TENT4B: variants seen among roughly 807,000 people sequenced by gnomAD.
The protein encoded by TENT4B is PAP associated domain containing 5.
TENT4B carries 10 observed loss-of-function variants against 75.0 expected under a neutral mutation model. The ratio of observed to expected loss-of-function variants is 0.13; its 90% confidence interval spans 0.08 to 0.23. The LOEUF (loss-of-function observed/expected upper bound fraction) is 0.23, where lower values mean the gene tolerates loss of function less well. Among genes scored for constraint, TENT4B ranks in the 10% least tolerant of loss-of-function variants. The pLI is 1.00. For synonymous variants in TENT4B, 350 were observed against 357.7 expected (o/e 0.98, Z 0.24); for missense variants, 579 against 893.8 (o/e 0.65, Z 4.49).
intron 1 of TENT4B, among the ~76,000 whole-genome samples, chr16:50,204,693 T>C (rs562268183): frequency 1.3e-5 from 2 of 152,270 alleles, no homozygotes; most frequent in African/African-American, 4.8e-5. Context: ...CAGTACAAAA[T>C]CATGCAAATT....
At chr16:50,164,791 C>T (rs144145085) in intron 1 of TENT4B, among the ~76,000 whole-genome samples, 96 of 152,048 alleles carry the variant, frequency 6.3e-4, no homozygotes, top group Non-Finnish European at 9.6e-4. Flanking sequence ...GGATTAACTG[C>T]CTGTAACCTT....
intron 1 of TENT4B, among the ~76,000 whole-genome samples, chr16:50,185,939 G>A (rs2038517789): frequency 6.6e-6 from 1 of 151,966 alleles, no homozygotes; most frequent in Non-Finnish European, 1.5e-5. Flanking sequence ...TACATAAATG[G>A]TGTAATTTTT....
chr16:50,153,602 G>T lies in TENT4B; in HGVS notation c.-20G>T. 1.0e-6 allele frequency: 1 copy of T among 1,001,576 alleles called. No homozygotes were observed. The highest frequency in any genetic ancestry group is 1.2e-6 in the Non-Finnish European group (1 of 843,000). 62.0% of individuals were successfully genotyped at this position (1,001,576 alleles called of 1,614,324 possible). A position where few individuals can be genotyped will look rare whatever the true frequency, so the allele number is the denominator to read the frequency against. ...CTGCGGGCGGCCGGGAGGGGCGGGG[G>T]CAGCGGCCGCCGCCGTTTGATGGAT... is the stretch of plus-strand genomic sequence containing the variant. On this transcript the variant is annotated 5_prime_UTR_variant, in exon 1 of 12. Coordinates refer to ENST00000561678, the MANE Select transcript of TENT4B (RefSeq NM_001365324.3).
At chr16:50,211,178 C>A (rs1404150356) in intron 1 of TENT4B, 145 bp from the exon 2 acceptor site, 2 of 861,104 alleles carry the variant, frequency 2.3e-6, no homozygotes, top group Non-Finnish European at 3.3e-6. Context: ...TGTACATTCC[C>A]ATTTTAGCTT....
intron 1 of TENT4B, among the ~76,000 whole-genome samples, chr16:50,176,281 C>A (rs374495755): frequency 3.3e-5 from 5 of 151,680 alleles, no homozygotes; most frequent in African/African-American, 1.2e-4. Flanking sequence ...GAGATTGAAT[C>A]TTTCTTTTTC....
intron 1 of TENT4B, among the ~76,000 whole-genome samples, chr16:50,176,494 CTTTTTTTTTTTTTTT>C (rs34067223): frequency 3.6e-4 from 19 of 53,044 alleles, no homozygotes; most frequent in East Asian, 7.4e-4. Flanking sequence ...ACCAATAATT[CTTTTTTTTTTTTTTT>C]TTTTTTTTTT....
At chr16:50,187,664 A>G (rs1437844488) in intron 1 of TENT4B, among the ~76,000 whole-genome samples, 1 of 152,188 alleles carries the variant, frequency 6.6e-6, no homozygotes, top group Non-Finnish European at 1.5e-5. Context: ...TGAAAAGACT[A>G]TCCTTTCTCA....
At chr16:50,219,919 A>C (rs1420165568) in intron 5 of TENT4B, among the ~76,000 whole-genome samples, 1 of 151,484 alleles carries the variant, frequency 6.6e-6, no homozygotes. Flanking sequence ...CTTGGGCTCA[A>C]GTGATCCTCC....
chr16:50,188,723 G>C (rs989747186), intron 1 of TENT4B, among the ~76,000 whole-genome samples: 1 of 152,130 alleles, frequency 6.6e-6, no homozygotes, highest in Non-Finnish European at 1.5e-5. Flanking sequence ...ACTGTGGCCT[G>C]TGCCTGTATT....
At chr16:50,204,197 C>A (rs2030818911) in intron 1 of TENT4B, among the ~76,000 whole-genome samples, 1 of 152,074 alleles carries the variant, frequency 6.6e-6, no homozygotes, top group Admixed American at 6.6e-5. Context: ...GGGAGAGGCT[C>A]ATAGTAGGGA....
At chr16:50,196,005 A>G (rs16948304) in intron 1 of TENT4B, among the ~76,000 whole-genome samples, 9,602 of 152,268 alleles carry the variant, frequency 0.063, 400 homozygotes, top group East Asian at 0.09. Context: ...TTTGGAGCGG[A>G]AGAAATAGTC....
intron 11 of TENT4B, 49 bp downstream of exon 11, chr16:50,228,052 T>C (rs754169426): frequency 1.4e-5 from 22 of 1,569,272 alleles, no homozygotes; most frequent in Non-Finnish European, 1.9e-5. Context: ...ACAAAATATT[T>C]AGAATTTCCC....
chr16:50,157,266 C>A (rs1340836016), intron 1 of TENT4B, among the ~76,000 whole-genome samples: 1 of 152,154 alleles, frequency 6.6e-6, no homozygotes, highest in African/African-American at 2.4e-5. Context: ...TTCTCTGCTT[C>A]CACCAAATTG....
In TENT4B at chr16:50,230,136, T is replaced by C. The variant is rs2032235775; in HGVS notation, c.*808T>C. ...TTTATTTTGTAAAAAAAAAAAAATG[T>C]ACTATGTACTTTTGTGTAAACACTG... On this transcript the variant is annotated 3_prime_UTR_variant, in exon 12 of 12. Coordinates refer to ENST00000561678, the MANE Select transcript of TENT4B (RefSeq NM_001365324.3). 1.0e-6 allele frequency: 1 copy of C among 976,858 alleles called. No homozygotes were observed. Among genetic ancestry groups the C allele is most frequent in the South Asian group, 4.7e-5 (1 of 21,142 alleles). The allele number at this position is 976,858 out of a possible 1,614,324, so 60.5% of individuals were successfully genotyped here. A position where few individuals can be genotyped will look rare whatever the true frequency, so the allele number is the denominator to read the frequency against.
intron 1 of TENT4B, among the ~76,000 whole-genome samples, chr16:50,157,627 C>T (rs1325438237): frequency 1.4e-4 from 21 of 152,036 alleles, no homozygotes; most frequent in Admixed American, 1.2e-3. Flanking sequence ...GACAGGGTCT[C>T]GCTCTGTTGC....
intron 1 of TENT4B, among the ~76,000 whole-genome samples, chr16:50,171,829 G>T (rs1251690874): frequency 6.6e-6 from 1 of 152,050 alleles, no homozygotes; most frequent in Non-Finnish European, 1.5e-5. Flanking sequence ...GCTGGGTGTG[G>T]TGGTGTGCAC....
At chr16:50,173,439 T>G (rs532297525) in intron 1 of TENT4B, among the ~76,000 whole-genome samples, 1 of 152,320 alleles carries the variant, frequency 6.6e-6, no homozygotes, top group African/African-American at 2.4e-5. Context: ...GCACGATTGT[T>G]GGATCGTATG....
At chr16:50,182,023 G>T (rs548076475) in intron 1 of TENT4B, among the ~76,000 whole-genome samples, 1 of 152,132 alleles carries the variant, frequency 6.6e-6, no homozygotes, top group African/African-American at 2.4e-5. Context: ...CAGCCCTTTA[G>T]TAGGAGGCCG....
chr16:50,217,579 T>C lies in TENT4B; in HGVS notation c.954T>C (p.Asp318=), dbSNP rs748890778. The C allele has an allele frequency of 1.4e-5, 21 of 1,516,360 alleles. No homozygotes were observed. The highest frequency in any genetic ancestry group is 1.7e-4 in the Middle Eastern group (1 of 5,884). 93.9% of individuals were successfully genotyped at this position (1,516,360 alleles called of 1,614,324 possible). The change falls in exon 5 of 12, where the codon GAT becomes GAC. Residue 318 remains aspartate (D), a synonymous_variant. Transcript: ENST00000561678. The stretch of plus-strand genomic sequence containing the variant: ...AGGTACCTATTATTAAATTAACAGA[T>C]TCTTTTACTGAAGTGAAAGTTGATA... ...KATVPIIKLT[D]SFTEVKVDIS...
Sources: allele counts gnomAD v4.1 joint callset (sites outside exome capture counted in the v4.1 genomes callset), GRCh38; gene constraint gnomAD v4.1.1; transcripts MANE v1.5; gene names NCBI Gene and HGNC (gene_info 2026-07-23, HGNC 2026-07-21).